The following FRMD6 variants were observed in gnomAD, a reference collection of about 807,000 sequenced individuals.
The protein encoded by FRMD6 is FERM domain containing 6.
A neutral mutation model predicts 73.2 loss-of-function variants in FRMD6; 37 were observed. That is an observed-to-expected ratio of 0.51 (90% CI 0.39 to 0.66). FRMD6 has a LOEUF of 0.66. Among genes scored for constraint, FRMD6 ranks in the 30% least tolerant of loss-of-function variants. FRMD6 has a pLI of 0.00. For synonymous variants in FRMD6, 273 were observed against 282.2 expected, an observed-to-expected ratio of 0.97 and a Z score of 0.33; for missense variants, 714 against 780.5, an observed-to-expected ratio of 0.91 and a Z score of 1.02.
chr14:51,662,303 T>A (rs1893269950), intron 1 of FRMD6, among the ~76,000 whole-genome samples: 1 of 152,070 alleles, frequency 6.6e-6, no homozygotes, highest in South Asian at 2.1e-4. Flanking sequence ...AAAAACTATT[T>A]ACAAATTCAC....
intron 1 of FRMD6, among the ~76,000 whole-genome samples, chr14:51,667,397 C>T (rs1055417952): frequency 6.6e-6 from 1 of 152,030 alleles, no homozygotes; most frequent in Admixed American, 6.6e-5. Context: ...GAAAAAAACT[C>T]GGCAGTGAAT....
upstream of FRMD6, chr14:51,651,846 A>C (rs1892417251): frequency 8.6e-4 from 4 of 4,634 alleles, no homozygotes; most frequent in South Asian, 5.9e-3. Flanking sequence ...TCGGGTCGGG[A>C]GGCGTGGGTG....
intron 1 of FRMD6, among the ~76,000 whole-genome samples, chr14:51,515,408 G>T (rs1005820564): frequency 7.9e-5 from 12 of 152,192 alleles, no homozygotes; most frequent in African/African-American, 2.9e-4. Flanking sequence ...CTGAACGTCA[G>T]TATATCTGCT....
At chr14:51,413,551 G>A in the FRMD6 span, among the ~76,000 whole-genome samples, 9 of 152,154 alleles carry the variant, frequency 5.9e-5, no homozygotes, top group Non-Finnish European at 1.2e-4. Context: ...TCTTAATCCA[G>A]TCTATCATTG....
intron 2 of FRMD6, among the ~76,000 whole-genome samples, chr14:51,602,019 C>A (rs1360166825): frequency 6.6e-5 from 10 of 151,700 alleles, no homozygotes; most frequent in African/African-American, 2.4e-4. Flanking sequence ...AGCTGGGTAT[C>A]CAGCCACTCA....
chr14:51,431,224 T>A, the FRMD6 span, among the ~76,000 whole-genome samples: 2 of 152,150 alleles, frequency 1.3e-5, no homozygotes, highest in African/African-American at 4.8e-5. Flanking sequence ...ATTGCCCCGA[T>A]AAGAGATTTT....
the FRMD6 span, among the ~76,000 whole-genome samples, chr14:51,429,199 A>G: frequency 6.6e-6 from 1 of 152,200 alleles, no homozygotes; most frequent in Non-Finnish European, 1.5e-5. Flanking sequence ...AATGCCACCG[A>G]CTAATCCCAA....
At chr14:51,441,753 A>G in the FRMD6 span, among the ~76,000 whole-genome samples, 2 of 152,206 alleles carry the variant, frequency 1.3e-5, no homozygotes, top group Non-Finnish European at 2.9e-5. Context: ...AAGAAGGTAC[A>G]TAGAGCTCTT....
At chr14:51,719,430 C>T (rs1897411325) in intron 10 of FRMD6, among the ~76,000 whole-genome samples, 1 of 152,048 alleles carries the variant, frequency 6.6e-6, no homozygotes, top group Non-Finnish European at 1.5e-5. Context: ...TAATGAAAAT[C>T]CAAATTTTAG....
the FRMD6 span, among the ~76,000 whole-genome samples, chr14:51,477,731 C>CTT: frequency 1.1e-5 from 1 of 91,790 alleles, no homozygotes; most frequent in Non-Finnish European, 2.0e-5. Context: ...TCTTTCTTTT[C>CTT]TTTTTCTTTT....
At chr14:51,722,690 T>TA (rs1566599792) in intron 12 of FRMD6, among the ~76,000 whole-genome samples, 1 of 152,234 alleles carries the variant, frequency 6.6e-6, no homozygotes. Flanking sequence ...ATACTATCTT[T>TA]AAAAAACGGC....
chr14:51,398,934 A>C, the FRMD6 span, among the ~76,000 whole-genome samples: 1 of 151,962 alleles, frequency 6.6e-6, no homozygotes, highest in Non-Finnish European at 1.5e-5. Flanking sequence ...ATAAAGCCCA[A>C]CCTCCCTGGA....
chr14:51,704,663 A>C, intron 5 of FRMD6, 86 bp from the exon 6 acceptor site: 1 of 1,095,406 alleles, frequency 9.1e-7, no homozygotes, highest in South Asian at 1.5e-5. Context: ...TCCTGTCACC[A>C]GATGGAGAGA....
chr14:51,401,838 C>A, the FRMD6 span, among the ~76,000 whole-genome samples: 1 of 152,168 alleles, frequency 6.6e-6, no homozygotes, highest in Non-Finnish European at 1.5e-5. Flanking sequence ...CTTGTTCATC[C>A]CAAGAGTGTC....
chr14:51,498,772 G>A (rs553620025), intron 1 of FRMD6, among the ~76,000 whole-genome samples: 11 of 152,130 alleles, frequency 7.2e-5, no homozygotes, highest in Non-Finnish European at 1.0e-4. Flanking sequence ...ACCCGGCATC[G>A]CATGGGAGGA....
rs184331458 is a variant in FRMD6 at position 51,586,255 on chromosome 14, G to T, written c.-147+15845G>T. 2.0e-5 allele frequency among the ~76,000 whole-genome samples: 3 copies of T among 151,950 alleles called. No individual in the cohort carries two copies. In the East Asian group the frequency reaches 5.8e-4, roughly 29 times the overall value. On this transcript the variant is annotated intron_variant, in intron 2 of 14. Transcript: ENST00000356218. ...ACCTCACCAACTTCTGTTGCTTTTA[G>T]ACTTTTTAACAATAATCATTCTGAC...
chr14:51,522,443 A>T (rs936696250), intron 1 of FRMD6, among the ~76,000 whole-genome samples: 1 of 152,170 alleles, frequency 6.6e-6, no homozygotes, highest in Non-Finnish European at 1.5e-5. Context: ...CTGTTTTTCA[A>T]TTAGCTTTGT....
chr14:51,527,826 G>T (rs1038389520), intron 1 of FRMD6, among the ~76,000 whole-genome samples: 1 of 152,156 alleles, frequency 6.6e-6, no homozygotes, highest in South Asian at 2.1e-4. Flanking sequence ...TTCCACTGCA[G>T]TCAAATATGA....
chr14:51,557,015 G>C (rs1334969775), intron 1 of FRMD6, among the ~76,000 whole-genome samples: 1 of 152,186 alleles, frequency 6.6e-6, no homozygotes, highest in Non-Finnish European at 1.5e-5. Flanking sequence ...AACTGGGCAT[G>C]GTGGTATGTG....
Sources: allele counts gnomAD v4.1 joint callset (sites outside exome capture counted in the v4.1 genomes callset), GRCh38; gene constraint gnomAD v4.1.1; transcripts MANE v1.5; gene names NCBI Gene and HGNC (gene_info 2026-07-23, HGNC 2026-07-21).